Variants in CACNA2D2 observed in about 807,000 individuals in gnomAD.
CACNA2D2 encodes the protein voltage-dependent calcium channel subunit alpha-2/delta-2.
Under a neutral mutation model 166.4 loss-of-function variants are expected in CACNA2D2, and 48 were observed. The observed-to-expected ratio is 0.29, with a 90% CI of 0.23 to 0.37. The LOEUF (loss-of-function observed/expected upper bound fraction) is 0.37, where lower values mean the gene tolerates loss of function less well. CACNA2D2 is among the 10% of genes least tolerant of loss of function. The pLI, the probability that CACNA2D2 is intolerant of heterozygous loss-of-function variation, is 1.00. For synonymous variants in CACNA2D2, 561 were observed against 573.7 expected, an observed-to-expected ratio of 0.98 and a Z score of 0.32; for missense variants, 1,122 against 1,433.0, an observed-to-expected ratio of 0.78 and a Z score of 3.50.
In CACNA2D2 at chr3:50,375,837, A is replaced by G. The variant is rs1029732146; in HGVS notation, c.1817T>C (p.Ile606Thr). ...MIDGNKGHKQIRTLVKSLDER... is the reference protein window; with the variant it reads ...MIDGNKGHKQTRTLVKSLDER... ...ATCCAGGGACTTGACCAACGTTCTGATCTGCTTGTGGCCCTTGTTGCCATC... is the reference window on the plus strand; with the variant it reads ...ATCCAGGGACTTGACCAACGTTCTGGTCTGCTTGTGGCCCTTGTTGCCATC... The change falls in exon 20 of 38, where the codon ATC becomes ACC. Residue 606 changes from isoleucine (I) to threonine (T), a missense_variant. Ile to Thr is a moderately conservative substitution (Grantham distance 89). Coordinates refer to ENST00000424201, the MANE Select transcript of CACNA2D2 (RefSeq NM_006030.4). The surrounding 1 kb of genome is among the most constrained non-coding windows in gnomAD (Gnocchi z 4.0). 5 of 1,612,814 alleles carry G rather than the reference A, an allele frequency of 3.1e-6. No homozygotes were observed. The highest frequency in any genetic ancestry group is 3.3e-5 in the Admixed American group (2 of 59,990).
chr3:50,484,964 C>T (rs1698217412), intron 1 of CACNA2D2, among the ~76,000 whole-genome samples: 1 of 152,236 alleles, frequency 6.6e-6, no homozygotes, highest in South Asian at 2.1e-4. Context: ...TGCCCCAGGG[C>T]TGGCCCAGGA....
At chr3:50,487,163 C>G (rs529726688) in intron 1 of CACNA2D2, among the ~76,000 whole-genome samples, 1 of 151,534 alleles carries the variant, frequency 6.6e-6, no homozygotes, top group East Asian at 1.9e-4. Flanking sequence ...TGGCCCTGTC[C>G]CCTAGGCTGT....
At chr3:50,421,313 G>A (rs1329163469) in intron 3 of CACNA2D2, among the ~76,000 whole-genome samples, 1 of 152,130 alleles carries the variant, frequency 6.6e-6, no homozygotes, top group Non-Finnish European at 1.5e-5. Context: ...TTGATAAAAG[G>A]GAGCCCAGGT....
chr3:50,379,250 G>C lies in CACNA2D2; in HGVS notation c.1153-51C>G, dbSNP rs1415186463. 6.5e-7 allele frequency: 1 copy of C among 1,527,608 alleles called. No homozygotes were observed. Among genetic ancestry groups the C allele is most frequent in the African/African-American group, 1.4e-5 (1 of 73,216 alleles). The allele number at this position is 1,527,608 out of a possible 1,614,324, so 94.6% of individuals were successfully genotyped here. On this transcript the variant is annotated intron_variant, in intron 11 of 37. Coordinates refer to ENST00000424201, the MANE Select transcript of CACNA2D2 (RefSeq NM_006030.4). This position sits in a 1 kb window ranked among gnomAD's most constrained non-coding sequence, Gnocchi z 6.5. ...CAGCTCTCAGCCCTCCCTGGTCCAG[G>C]GGCAGGGCCTCCCTCCCGCAGTGGG...
At position 50,434,440 on chromosome 3, in the gene CACNA2D2, G is replaced by T; in HGVS notation, c.289-11C>A. 6.2e-7 allele frequency: 1 copy of T among 1,605,284 alleles called. No individual in the cohort carries two copies. Among genetic ancestry groups the T allele is most frequent in the South Asian group, 1.1e-5 (1 of 90,884 alleles). ...GTTGTCCTTGTAAATCTGGAAGGAA[G>T]CAGAAGCCAGGGGTGAGACCAGGTG... On this transcript the variant is annotated splice_polypyrimidine_tract_variant and intron_variant, in intron 2 of 37. Transcript: ENST00000424201.
Position 50,364,961 on chromosome 3 carries a change from G to C in CACNA2D2, c.3218C>G (p.Pro1073Arg). 6.2e-7 allele frequency: 1 copy of C among 1,612,854 alleles called. No individual in the cohort carries two copies. Among genetic ancestry groups the C allele is most frequent in the South Asian group, 1.1e-5 (1 of 91,082 alleles). ...LLQKETHSDGPEQCELVQRPR... is the reference protein window; with the variant it reads ...LLQKETHSDGREQCELVQRPR... ...TCTCTGCACTAGCTCACACTGCTCC[G>C]GGCCGTCCGCTGGGCATGGGTGGGG... Residue 1073 changes from proline (P) to arginine (R), a missense_variant, in exon 37 of 38, where the codon CCG becomes CGG. Transcript: ENST00000424201.
intron 2 of CACNA2D2, among the ~76,000 whole-genome samples, chr3:50,446,783 C>G (rs907783378): frequency 2.0e-5 from 3 of 152,244 alleles, no homozygotes; most frequent in Non-Finnish European, 4.4e-5. Context: ...TTCGCCCAAC[C>G]TGTGCCCAGA....
Position 50,376,199 on chromosome 3 carries a change from A to G in CACNA2D2, c.1627-11T>C. On this transcript the variant is annotated splice_polypyrimidine_tract_variant and intron_variant, in intron 17 of 37. Coordinates refer to ENST00000424201, the MANE Select transcript of CACNA2D2 (RefSeq NM_006030.4). This position sits in a 1 kb window ranked among gnomAD's most constrained non-coding sequence, Gnocchi z 4.3. ...GCCGTTGGCTCCAAGCTGGAGGCACAGATTGGGGGCTCAGGGTCTGGAGGG... is the reference window on the plus strand; with the variant it reads ...GCCGTTGGCTCCAAGCTGGAGGCACGGATTGGGGGCTCAGGGTCTGGAGGG... 6.2e-7 allele frequency: 1 copy of G among 1,613,068 alleles called. No homozygotes were observed. Among genetic ancestry groups the G allele is most frequent in the South Asian group, 1.1e-5 (1 of 91,080 alleles).
chr3:50,457,499 A>G (rs1171787994), intron 2 of CACNA2D2, among the ~76,000 whole-genome samples: 2 of 152,152 alleles, frequency 1.3e-5, no homozygotes, highest in Admixed American at 6.5e-5. Context: ...TCAGGGGCCA[A>G]TGTCTCCCCG....
intron 1 of CACNA2D2, among the ~76,000 whole-genome samples, chr3:50,480,540 A>G (rs1280760410): frequency 6.6e-6 from 1 of 151,758 alleles, no homozygotes; most frequent in Non-Finnish European, 1.5e-5. Context: ...TCTGCAGGTA[A>G]GAAGATGACA....
chr3:50,484,478 A>C (rs1014215814), intron 1 of CACNA2D2, among the ~76,000 whole-genome samples: 1 of 151,876 alleles, frequency 6.6e-6, no homozygotes, highest in Non-Finnish European at 1.5e-5. Context: ...AGCTTCCCTG[A>C]CCTCACCCCT....
At chr3:50,434,074 G>A (rs1339680532) in intron 3 of CACNA2D2, among the ~76,000 whole-genome samples, 1 of 152,146 alleles carries the variant, frequency 6.6e-6, no homozygotes, top group Non-Finnish European at 1.5e-5. Flanking sequence ...CCAGCCTCAG[G>A]ATCACACAGA....
At chr3:50,491,429 G>T (rs1021436147) in intron 1 of CACNA2D2, among the ~76,000 whole-genome samples, 5 of 152,204 alleles carry the variant, frequency 3.3e-5, no homozygotes, top group Non-Finnish European at 5.9e-5. Flanking sequence ...CAAGCCCCTA[G>T]GGCTTCTGTG....
chr3:50,459,711 G>A (rs911171875), intron 2 of CACNA2D2, among the ~76,000 whole-genome samples: 1 of 152,198 alleles, frequency 6.6e-6, no homozygotes, highest in African/African-American at 2.4e-5. Context: ...CTTGTACCAG[G>A]ACCCCGGGAT....
intron 1 of CACNA2D2, among the ~76,000 whole-genome samples, chr3:50,495,211 T>C (rs1698674837): frequency 6.6e-6 from 1 of 152,190 alleles, no homozygotes; most frequent in Admixed American, 6.5e-5. Flanking sequence ...GGCTGTGGCA[T>C]GTCCTTTCCA....
chr3:50,481,204 G>A (rs1414829412), intron 1 of CACNA2D2, among the ~76,000 whole-genome samples: 1 of 152,048 alleles, frequency 6.6e-6, no homozygotes, highest in Non-Finnish European at 1.5e-5. Flanking sequence ...GCAGAGGGGC[G>A]AGAAAGGATG....
intron 5 of CACNA2D2, among the ~76,000 whole-genome samples, chr3:50,386,914 G>A (rs780429961): frequency 4.6e-5 from 7 of 152,148 alleles, no homozygotes; most frequent in East Asian, 1.9e-4. Flanking sequence ...TCAGACACTC[G>A]TCTTCTCTAC....
At chr3:50,391,931 C>T (rs769078884) in intron 4 of CACNA2D2, among the ~76,000 whole-genome samples, 6 of 152,128 alleles carry the variant, frequency 3.9e-5, no homozygotes, top group Non-Finnish European at 7.4e-5. Context: ...CTGTGGGGGC[C>T]GATCTTAGGG....
At chr3:50,385,390 A>G (rs1448543406) in intron 5 of CACNA2D2, among the ~76,000 whole-genome samples, 1 of 152,124 alleles carries the variant, frequency 6.6e-6, no homozygotes, top group Non-Finnish European at 1.5e-5. Context: ...GCCCAGGCTT[A>G]GCTCATTCAT....
Sources: allele counts gnomAD v4.1 joint callset (sites outside exome capture counted in the v4.1 genomes callset), GRCh38; gene constraint gnomAD v4.1.1; non-coding constraint Gnocchi (gnomAD v3.1); transcripts MANE v1.5; gene names NCBI Gene and HGNC (gene_info 2026-07-23, HGNC 2026-07-21).